The following BRS3 variants were observed in gnomAD, a reference collection of about 807,000 sequenced individuals.
BRS3 encodes bombesin receptor subtype 3, also known as bombesin receptor subtype-3.
Under a neutral mutation model 18.8 loss-of-function variants are expected in BRS3, and 5 were observed. That is an observed-to-expected ratio of 0.27 (90% CI 0.14 to 0.56). The LOEUF (loss-of-function observed/expected upper bound fraction) is 0.56, where lower values mean the gene tolerates loss of function less well. BRS3 is among the 20% of genes least tolerant of loss of function. BRS3 has a pLI of 0.93. For missense variants in BRS3, 215 were observed against 296.3 expected (o/e 0.73, Z 2.01); for synonymous variants, 121 against 115.0 (o/e 1.05, Z -0.33).
At chrX:136,491,743 T>C (rs946627582) in intron 2 of BRS3, among the ~76,000 whole-genome samples, 15 of 111,078 alleles carry the variant, frequency 1.4e-4, no homozygotes, top group African/African-American at 4.9e-4. Context: ...TGCTGTGTTA[T>C]ATAGTCACAG....
chrX:136,490,280 C>A lies in BRS3; in HGVS notation c.582C>A (p.Pro194=), dbSNP rs761354565. ...IFSNVYTFRD[P]NKNMTFESCT... is the part of the protein sequence containing the mutation. Reference sequence around the variant, plus strand: ...CAAATGTATACACTTTTCGAGATCCCAATAAAAATATGACATTTGAATCAT... The same window carrying A: ...CAAATGTATACACTTTTCGAGATCCAAATAAAAATATGACATTTGAATCAT... Residue 194 remains proline (P), a synonymous_variant, in exon 2 of 3, where the codon CCC becomes CCA. Transcript: ENST00000370648. The A allele has an allele frequency of 5.8e-6, 7 of 1,210,408 alleles. No homozygotes were observed. Among genetic ancestry groups the A allele is most frequent in the South Asian group, 3.5e-5 (2 of 56,933 alleles).
chrX:136,488,976 G>T (rs1184508726), intron 1 of BRS3, among the ~76,000 whole-genome samples: 1 of 111,970 alleles, frequency 8.9e-6, no homozygotes, highest in African/African-American at 3.2e-5. Context: ...TATATTGGAA[G>T]AGTGGTAAAA....
At position 136,491,392 on chromosome X, in the gene BRS3, T is replaced by C. The variant is rs752426402; in HGVS notation, c.787-570T>C. 2.7e-5 allele frequency among the ~76,000 whole-genome samples: 3 copies of C among 112,081 alleles called. No individual in the cohort carries two copies. The East Asian group carries it at 8.3e-4, about 31-fold the overall frequency. ...TTGGCTCATTTCTCTTATTAATAGA[T>C]GTAGGTAGGATTATCTTCACATAAA... On this transcript the variant is annotated intron_variant, in intron 2 of 2. Coordinates refer to ENST00000370648, the MANE Select transcript of BRS3 (RefSeq NM_001727.2).
intron 1 of BRS3, among the ~76,000 whole-genome samples, chrX:136,489,327 C>T (rs1222229463): frequency 9.0e-6 from 1 of 111,618 alleles, no homozygotes; most frequent in Non-Finnish European, 1.9e-5. Context: ...AAAAATGATG[C>T]TTTACAAAGC....
rs747789747 is a variant in BRS3 at position 136,490,506 on chromosome X, T to C, written c.786+22T>C. ...GCAGGTATGTATTAATCAGTACTCA[T>C]GCAAATCTAGTTTGAATTTAGAAGT... is the stretch of plus-strand genomic sequence containing the variant. On this transcript the variant is annotated intron_variant, in intron 2 of 2. Transcript: ENST00000370648. 4 of 1,072,152 alleles carry C rather than the reference T, an allele frequency of 3.7e-6. No individual in the cohort carries two copies. In the South Asian group the frequency reaches 1.0e-4, roughly 27 times the overall value. The allele number at this position is 1,072,152 out of a possible 1,213,427, so 88.4% of individuals were successfully genotyped here.
rs2075665272 is a variant in BRS3 at position 136,490,475 on chromosome X, C to T, written c.777C>T (p.Ala259=). The change falls in exon 2 of 3, where the codon GCC becomes GCT. Residue 259 remains alanine, a synonymous_variant. Coordinates refer to ENST00000370648, the MANE Select transcript of BRS3 (RefSeq NM_001727.2). ...TACCTACTGAGGAACAAAGCCATGC[C>T]CGTAAGCAGGTATGTATTAATCAGT... ...LNIPTEEQSH[A]RKQIESRKRI... 1 of 1,159,780 alleles carries T rather than the reference C, an allele frequency of 8.6e-7. No homozygotes were observed. The highest frequency in any genetic ancestry group is 1.8e-5 in the African/African-American group (1 of 55,695).
chrX:136,491,043 G>A (rs963065450), intron 2 of BRS3, among the ~76,000 whole-genome samples: 2 of 111,377 alleles, frequency 1.8e-5, no homozygotes, highest in South Asian at 3.8e-4. Flanking sequence ...AGTAGCACGA[G>A]AACACAGTGA....
At position 136,491,941 on chromosome X, in the gene BRS3, CTA is replaced by C. The variant is rs1317058713; in HGVS notation, c.787-19_787-18del. 2 of 160,303 alleles carry C rather than the reference CTA, an allele frequency of 1.2e-5. No homozygotes were observed. Among genetic ancestry groups the C allele is most frequent in the Non-Finnish European group, 9.2e-6 (1 of 108,925 alleles). 13.2% of individuals were successfully genotyped at this position (160,303 alleles called of 1,213,427 possible). ...TTTTTTTTTTTTTTTTTTTTTTTTG[CTA>C]TGTTTCTTCCCCCTATAGATTGAAT... On this transcript the variant is annotated intron_variant, in intron 2 of 2. Coordinates refer to ENST00000370648, the MANE Select transcript of BRS3 (RefSeq NM_001727.2).
At position 136,488,531 on chromosome X, in the gene BRS3, A is replaced by C; in HGVS notation, c.417A>C (p.Thr139=). The part of the protein sequence containing the change: ...TSVGVSVFTL[T]ILSADRYKAV... Reference sequence around the variant, plus strand: ...TTGGTGTGTCAGTGTTCACATTAACAATTCTCAGCGCTGACAGGTGAGTTT... The same window carrying C: ...TTGGTGTGTCAGTGTTCACATTAACCATTCTCAGCGCTGACAGGTGAGTTT... The change falls in exon 1 of 3, where the codon ACA becomes ACC. Residue 139 remains threonine, a synonymous_variant. Transcript: ENST00000370648. 8.3e-7 allele frequency: 1 copy of C among 1,203,918 alleles called. No individual in the cohort carries two copies. The highest frequency in any genetic ancestry group is 1.8e-5 in the South Asian group (1 of 55,762).
intron 1 of BRS3, 63 bp from the exon 2 acceptor site, chrX:136,490,070 C>A: frequency 1.0e-6 from 1 of 1,000,724 alleles, no homozygotes; most frequent in Non-Finnish European, 1.4e-6. Flanking sequence ...GGTCACTTCT[C>A]ACCCTAAAAT....
intron 2 of BRS3, 55 bp downstream of exon 2, chrX:136,490,539 C>G: frequency 1.0e-6 from 1 of 952,464 alleles, no homozygotes; most frequent in South Asian, 2.8e-5. Flanking sequence ...AGTGAAGTTC[C>G]TACTTTTGCA....
intron 2 of BRS3, among the ~76,000 whole-genome samples, chrX:136,491,621 G>A: frequency 1.8e-5 from 2 of 111,822 alleles, no homozygotes; most frequent in Admixed American, 1.9e-4. Flanking sequence ...GAATTCCACG[G>A]CATTCTTCGA....
rs987352373 is a variant in BRS3 at position 136,488,040 on chromosome X, G to A, written c.-75G>A. The A allele has an allele frequency of 5.1e-6, 5 of 972,266 alleles. No individual in the cohort carries two copies. In the East Asian group the frequency reaches 1.2e-4, roughly 24 times the overall value. The allele number at this position is 972,266 out of a possible 1,213,427, so 80.1% of individuals were successfully genotyped here. On this transcript the variant is annotated 5_prime_UTR_variant, in exon 1 of 3. Transcript: ENST00000370648. ...TCCTAATACCATCTCGTTACTAGACGTAGGCATTGGACGTGACAATCAACT... is the reference window on the plus strand; with the variant it reads ...TCCTAATACCATCTCGTTACTAGACATAGGCATTGGACGTGACAATCAACT...
rs965136329 is a variant in BRS3, at chrX:136,493,350, C to G, written c.*975C>G. 4.5e-5 allele frequency: 5 copies of G among 110,811 alleles called. No homozygotes were observed. Among genetic ancestry groups the G allele is most frequent in the Non-Finnish European group, 9.4e-5 (5 of 52,974 alleles). 9.1% of individuals were successfully genotyped at this position (110,811 alleles called of 1,213,427 possible). The stretch of plus-strand genomic sequence containing the variant: ...CTAATTAATCTCTGCCCATGGAAAT[C>G]AGATGGAAAGTTCTGATTTTCTATC... On this transcript the variant is annotated 3_prime_UTR_variant, in exon 3 of 3. Coordinates refer to ENST00000370648, the MANE Select transcript of BRS3 (RefSeq NM_001727.2).
In BRS3 at chrX:136,490,464, C is replaced by G; in HGVS notation, c.766C>G (p.Gln256Glu). The G allele has an allele frequency of 8.5e-7, 1 of 1,172,966 alleles. No individual in the cohort carries two copies. The highest frequency in any genetic ancestry group is 1.1e-6 in the Non-Finnish European group (1 of 872,551). ...CACCCTGAACATACCTACTGAGGAA[C>G]AAAGCCATGCCCGTAAGCAGGTATG... ...KSTLNIPTEEQSHARKQIESR... is the reference protein window; with the variant it reads ...KSTLNIPTEEESHARKQIESR... Residue 256 changes from glutamine to glutamate, a missense_variant, in exon 2 of 3, where the codon CAA becomes GAA. This residue lies in a region of BRS3 where 123 missense variants were observed against 207.6 expected (regional missense o/e 0.59). Transcript: ENST00000370648.
At position 136,492,225 on chromosome X, in the gene BRS3, G is replaced by A. The variant is rs774693094; in HGVS notation, c.1050G>A (p.Ala350=). The change falls in exon 3 of 3, where the codon GCG becomes GCA. Residue 350 remains alanine, a synonymous_variant. Coordinates refer to ENST00000370648, the MANE Select transcript of BRS3 (RefSeq NM_001727.2). The stretch of plus-strand genomic sequence containing the variant: ...AAGCTCAGTTGTTCTGTTGCAAGGC[G>A]GAGCGGCCTGAGCCTCCTGTTGCTG... The part of the protein sequence containing the change: ...HFKAQLFCCK[A]ERPEPPVADT... 19 of 1,211,624 alleles carry A rather than the reference G, an allele frequency of 1.6e-5. No individual in the cohort carries two copies. The East Asian group carries it at 2.4e-4, about 15-fold the overall frequency.
At chrX:136,490,574 GT>G in intron 2 of BRS3, 90 bp downstream of exon 2, 1 of 706,314 alleles carries the variant, frequency 1.4e-6, no homozygotes, top group Non-Finnish European at 2.0e-6. Context: ...GTATCTTCCT[GT>G]TTATAAATGC....
rs754593042 is a variant in BRS3, at chrX:136,491,913, G to GTTTTT, written c.787-27_787-23dup. 1.3e-4 allele frequency: 56 copies of GTTTTT among 436,898 alleles called. 2 individuals are homozygous for GTTTTT. Among genetic ancestry groups the GTTTTT allele is most frequent in the African/African-American group, 8.9e-4 (11 of 12,400 alleles). 36.0% of individuals were successfully genotyped at this position (436,898 alleles called of 1,213,427 possible). On this transcript the variant is annotated intron_variant, in intron 2 of 2. Coordinates refer to ENST00000370648, the MANE Select transcript of BRS3 (RefSeq NM_001727.2). ...TTTTTTTGTTGTTGTTGTTTTTTGTGTTTTTTTTTTTTTTTTTTTTTTTTT... is the reference window on the plus strand; with the variant it reads ...TTTTTTTGTTGTTGTTGTTTTTTGTGTTTTTTTTTTTTTTTTTTTTTTTTTTTTTT...
In BRS3 at chrX:136,490,402, T is replaced by A; in HGVS notation, c.704T>A (p.Val235Asp). The A allele has an allele frequency of 2.5e-6, 3 of 1,207,875 alleles. No individual in the cohort carries two copies. The highest frequency in any genetic ancestry group is 3.4e-6 in the Non-Finnish European group (3 of 892,444). ...ATTATTCCACTCTCTATTATCTCTGTCTACTATTCCTTGATTGCTAGGACC... is the reference window on the plus strand; with the variant it reads ...ATTATTCCACTCTCTATTATCTCTGACTACTATTCCTTGATTGCTAGGACC... ...FYIIPLSIIS[V>D]YYSLIARTLY... Residue 235 changes from valine to aspartate, a missense_variant, in exon 2 of 3, where the codon GTC becomes GAC. This residue lies in a region of BRS3 where 123 missense variants were observed against 207.6 expected (regional missense o/e 0.59). Coordinates refer to ENST00000370648, the MANE Select transcript of BRS3 (RefSeq NM_001727.2).
Sources: allele counts gnomAD v4.1 joint callset (sites outside exome capture counted in the v4.1 genomes callset), GRCh38; gene constraint gnomAD v4.1.1; regional missense constraint gnomAD v4.1.1; transcripts MANE v1.5; gene names NCBI Gene and HGNC (gene_info 2026-07-23, HGNC 2026-07-21).